The following DCLRE1C variants were observed in gnomAD, a reference collection of about 807,000 sequenced individuals.
DCLRE1C encodes the protein DNA cross-link repair 1C, also known as protein artemis.
Under a neutral mutation model 61.4 loss-of-function variants are expected in DCLRE1C, and 47 were observed. The ratio of observed to expected loss-of-function variants is 0.77; its 90% CI spans 0.61 to 0.98. The LOEUF (loss-of-function observed/expected upper bound fraction) is 0.98, where lower values mean the gene tolerates loss of function less well. Among genes scored for constraint, DCLRE1C ranks in the 50% least tolerant of loss-of-function variants. The probability of loss-of-function intolerance (pLI) is 0.00; values close to 1 mark genes in which losing one functional copy is unlikely to be tolerated. For synonymous variants in DCLRE1C, 337 were observed against 287.6 expected (o/e 1.17, Z -1.74); for missense variants, 858 against 816.0 (o/e 1.05, Z -0.63).
Position 14,945,085 on chromosome 10 carries a change from A to G in DCLRE1C, c.246+20T>C. The G allele has an allele frequency of 6.3e-7, 1 of 1,584,312 alleles. No individual in the cohort carries two copies. The highest frequency in any genetic ancestry group is 8.6e-7 in the Non-Finnish European group (1 of 1,161,762). Reference sequence around the variant, plus strand: ...CTTCCCACTTAAAAAAAATTAAGTTATTAAAAAAATAAAACTTACAATTCG... The same window carrying G: ...CTTCCCACTTAAAAAAAATTAAGTTGTTAAAAAAATAAAACTTACAATTCG... On this transcript the variant is annotated intron_variant, in intron 3 of 13. Transcript: ENST00000378278.
intron 9 of DCLRE1C, among the ~76,000 whole-genome samples, chr10:14,931,379 G>A (rs1262340020): frequency 1.3e-5 from 2 of 152,040 alleles, no homozygotes; most frequent in African/African-American, 4.8e-5. Flanking sequence ...CCAATATGGT[G>A]AAACCCTGTC....
Position 14,909,143 on chromosome 10 carries a change from G to C in DCLRE1C, c.1344C>G (p.Asn448Lys), listed in dbSNP as rs769948633. Residue 448 changes from asparagine (N) to lysine (K), a missense_variant, in exon 14 of 14, where the codon AAC (asparagine) becomes AAG (lysine). By Grantham distance (94) the Asn-to-Lys change is moderately conservative. Coordinates refer to ENST00000378278, the MANE Select transcript of DCLRE1C (RefSeq NM_001033855.3). Reference sequence around the variant, plus strand: ...TGTTGGATTCTTCACAATCTACAAAGTTTGTGAAACGAGAGCTCTGCATAC... The same window carrying C: ...TGTTGGATTCTTCACAATCTACAAACTTTGTGAAACGAGAGCTCTGCATAC... Reference protein sequence around the residue: ...AECMQSSRFTNFVDCEESNSE... With the variant: ...AECMQSSRFTKFVDCEESNSE... The C allele has an allele frequency of 6.2e-7, 1 of 1,614,188 alleles. No individual in the cohort carries two copies. Among genetic ancestry groups the C allele is most frequent in the Non-Finnish European group, 8.5e-7 (1 of 1,180,042 alleles).
exon 14 of DCLRE1C, chr10:14,897,644 T>A (rs1833677577): frequency 7.2e-6 from 6 of 837,064 alleles, no homozygotes; most frequent in Non-Finnish European, 9.8e-6. Flanking sequence ...TATGTAGAAA[T>A]TTATTCAGAT....
At chr10:14,930,669 G>A (rs966820964) in intron 9 of DCLRE1C, among the ~76,000 whole-genome samples, 1 of 152,088 alleles carries the variant, frequency 6.6e-6, no homozygotes, top group African/African-American at 2.4e-5. Flanking sequence ...CTGACCTCAA[G>A]TGATCCACAC....
chr10:14,949,721 A>T (rs1327784362), intron 1 of DCLRE1C, among the ~76,000 whole-genome samples: 1 of 152,282 alleles, frequency 6.6e-6, no homozygotes, highest in African/African-American at 2.4e-5. Flanking sequence ...GTAAAGGCCC[A>T]GACAACAATG....
chr10:14,911,251 T>A (rs1835206651), intron 13 of DCLRE1C: 1 of 152,224 alleles, frequency 6.6e-6, no homozygotes, highest in South Asian at 2.1e-4. Context: ...TCATGATCCA[T>A]GGGCATTTGT....
chr10:14,942,853 T>C (rs12259787), intron 3 of DCLRE1C, among the ~76,000 whole-genome samples: 4,819 of 152,030 alleles, frequency 0.032, 150 homozygotes, highest in African/African-American at 0.099. Context: ...AAGCCCGGCA[T>C]AGTGGCTCAC....
intron 9 of DCLRE1C, 121 bp from the exon 10 acceptor site, chr10:14,928,273 A>AAAAT (rs200299509): frequency 3.4e-6 from 3 of 886,616 alleles, no homozygotes; most frequent in African/African-American, 3.4e-5. Flanking sequence ...AATAAAAAAA[A>AAAAT]AGCAGCAAAA....
rs1156292164 is a variant in DCLRE1C at position 14,905,255 on chromosome 10, GGTT to G, written c.*3150_*3152del. ...CTTGGCCAAAAGGCCAAGGAGTGATGGTTCATGCATTTGAATATTAAAGGACAA... is the reference window on the plus strand; with the variant it reads ...CTTGGCCAAAAGGCCAAGGAGTGATGCATGCATTTGAATATTAAAGGACAA... On this transcript the variant is annotated 3_prime_UTR_variant, in exon 14 of 14. Transcript: ENST00000378278. Among the ~76,000 whole-genome samples, 1 of 152,252 alleles carries G rather than the reference GGTT, an allele frequency of 6.6e-6. No homozygotes were observed. Among genetic ancestry groups the G allele is most frequent in the Non-Finnish European group, 1.5e-5 (1 of 68,040 alleles).
intron 2 of DCLRE1C, among the ~76,000 whole-genome samples, chr10:14,946,348 T>A (rs1419105090): frequency 6.6e-6 from 1 of 152,122 alleles, no homozygotes; most frequent in Non-Finnish European, 1.5e-5. Flanking sequence ...ATTTTGAGGT[T>A]AGGAATATAG....
chr10:14,932,946 T>G lies in DCLRE1C; in HGVS notation c.688A>C (p.Asn230His), dbSNP rs1388069201. The change falls in exon 9 of 14, where the codon AAT becomes CAT. Residue 230 changes from asparagine to histidine, a missense_variant. This residue lies in a region of DCLRE1C where 843 missense variants were observed against 783.5 expected (regional missense o/e 1.08). Coordinates refer to ENST00000378278, the MANE Select transcript of DCLRE1C (RefSeq NM_001033855.3). ...SEELGVQVHV[N>H]KLDMFRNMPE... Reference sequence around the variant, plus strand: ...ATGTTCCTAAACATGTCTAGCTTATTCACATGAACCTAAGGCAAATAATAC... The same window carrying G: ...ATGTTCCTAAACATGTCTAGCTTATGCACATGAACCTAAGGCAAATAATAC... 1.9e-6 allele frequency: 3 copies of G among 1,614,214 alleles called. No homozygotes were observed. Among genetic ancestry groups the G allele is most frequent in the Middle Eastern group, 1.6e-4 (1 of 6,062 alleles).
At position 14,899,448 on chromosome 10, in the gene DCLRE1C, AT is replaced by A. The variant is rs1833841257; in HGVS notation, c.1157-137del. The A allele has an allele frequency of 7.3e-6, 10 of 1,361,836 alleles. No individual in the cohort carries two copies. In the African/African-American group the frequency reaches 8.7e-5, roughly 12 times the overall value. 84.4% of individuals were successfully genotyped at this position (1,361,836 alleles called of 1,614,324 possible). ...CACCTGAATTTCTTACTTTTTAAAT[AT>A]TTGTAGGTATTCGCATATTAGTAGA... is the stretch of plus-strand genomic sequence containing the variant. On this transcript the variant is annotated intron_variant, in intron 13 of 13. Coordinates refer to the DCLRE1C transcript ENST00000378289.
At chr10:14,911,375 A>C (rs1243239255) in intron 13 of DCLRE1C, 1 of 152,246 alleles carries the variant, frequency 6.6e-6, no homozygotes, top group East Asian at 1.9e-4. Context: ...AACTATAAAC[A>C]TGCTAACCAC....
intron 2 of DCLRE1C, chr10:14,945,653 CTTTTTTTTT>C (rs148072088): frequency 2.2e-5 from 6 of 273,482 alleles, no homozygotes; most frequent in Non-Finnish European, 2.3e-5. Flanking sequence ...TAAGTCTATT[CTTTTTTTTT>C]TTTTTTTTTT....
At chr10:14,950,900 G>T (rs951536960) in intron 1 of DCLRE1C, among the ~76,000 whole-genome samples, 1 of 152,092 alleles carries the variant, frequency 6.6e-6, no homozygotes, top group Non-Finnish European at 1.5e-5. Context: ...ATCATAAATT[G>T]TCCCCTCTAG....
At chr10:14,909,472 G>C in intron 13 of DCLRE1C, 142 bp from the exon 14 acceptor site, 1 of 740,566 alleles carries the variant, frequency 1.4e-6, no homozygotes, top group Non-Finnish European at 2.2e-6. Context: ...CTTGGGATAT[G>C]CTGAACAATT....
chr10:14,943,822 A>C (rs1476945140), intron 3 of DCLRE1C, among the ~76,000 whole-genome samples: 11 of 152,218 alleles, frequency 7.2e-5, no homozygotes, highest in Admixed American at 3.3e-4. Flanking sequence ...CTGGGATTAC[A>C]AGCGTGAGCC....
At position 14,908,769 on chromosome 10, in the gene DCLRE1C, A is replaced by G. The variant is rs777497569; in HGVS notation, c.1718T>C (p.Leu573Ser). 1 of 1,614,222 alleles carries G rather than the reference A, an allele frequency of 6.2e-7. No homozygotes were observed. Among genetic ancestry groups the G allele is most frequent in the Non-Finnish European group, 8.5e-7 (1 of 1,180,036 alleles). ...TGTTGGTCTGTAGTCAGCTTTGTCC[A>G]AGGAAGTAATATCCCCACTGTTTCT... ...QERNSGDITS[L>S]DKADYRPTIK... Residue 573 changes from leucine to serine, a missense_variant, in exon 14 of 14, where the codon TTG becomes TCG. Transcript: ENST00000378278.
At chr10:14,912,145 A>G (rs1373273223) in intron 13 of DCLRE1C, among the ~76,000 whole-genome samples, 1 of 152,198 alleles carries the variant, frequency 6.6e-6, no homozygotes, top group East Asian at 1.9e-4. Flanking sequence ...GAAATAATTA[A>G]ACCATCATAA....
Sources: allele counts gnomAD v4.1 joint callset (sites outside exome capture counted in the v4.1 genomes callset), GRCh38; gene constraint gnomAD v4.1.1; regional missense constraint gnomAD v4.1.1; transcripts MANE v1.5; gene names NCBI Gene and HGNC (gene_info 2026-07-23, HGNC 2026-07-21).